Variants in GPHN observed in about 807,000 individuals in gnomAD.
GPHN encodes the protein gephyrin.
Under a neutral mutation model 95.5 loss-of-function variants are expected in GPHN, and 17 were observed. The observed-to-expected ratio is 0.18, with a 90% CI of 0.12 to 0.27. The LOEUF is 0.27. GPHN is among the 10% of genes least tolerant of loss of function. The pLI is 1.00. For synonymous variants in GPHN, 320 were observed against 322.5 expected (o/e 0.99, Z 0.08); for missense variants, 660 against 978.1 (o/e 0.67, Z 4.34).
At chr14:67,599,112 T>C in the GPHN span, among the ~76,000 whole-genome samples, 1 of 152,174 alleles carries the variant, frequency 6.6e-6, no homozygotes. Flanking sequence ...AAACACGCTT[T>C]GACAGCAAAA....
chr14:67,647,984 G>C, the GPHN span: 1 of 1,461,458 alleles, frequency 6.8e-7, no homozygotes, highest in Non-Finnish European at 9.3e-7. Flanking sequence ...TAAGAAGGAT[G>C]AGTGTCCAAG....
chr14:66,864,403 T>C (rs1055566279), intron 4 of GPHN, among the ~76,000 whole-genome samples: 1 of 152,156 alleles, frequency 6.6e-6, no homozygotes, highest in Non-Finnish European at 1.5e-5. Context: ...GAGAACAGTT[T>C]GGAGGTTTCT....
At chr14:67,414,261 C>G in the GPHN span, among the ~76,000 whole-genome samples, 1 of 152,200 alleles carries the variant, frequency 6.6e-6, no homozygotes, top group East Asian at 1.9e-4. Context: ...TTAAGGCACA[C>G]CTAGAACCTG....
the GPHN span, among the ~76,000 whole-genome samples, chr14:67,636,468 G>A: frequency 2.0e-5 from 3 of 152,230 alleles, no homozygotes; most frequent in Non-Finnish European, 4.4e-5. Context: ...GCACAGTGTG[G>A]TGTGTAGAGG....
chr14:66,906,164 G>A (rs1020472156), intron 5 of GPHN, among the ~76,000 whole-genome samples: 18 of 152,084 alleles, frequency 1.2e-4, no homozygotes, highest in African/African-American at 4.1e-4. Flanking sequence ...CGTGCCCAGG[G>A]AACCTGTGGG....
At chr14:66,660,951 T>G (rs7146264) in intron 1 of GPHN, among the ~76,000 whole-genome samples, 47,273 of 151,962 alleles carry the variant, frequency 0.31, 11,173 homozygotes, top group African/African-American at 0.64. Flanking sequence ...CCCTTGTGAA[T>G]CCATTCCACC....
chr14:66,780,968 T>G, intron 3 of GPHN, among the ~76,000 whole-genome samples: 1 of 152,210 alleles, frequency 6.6e-6, no homozygotes, highest in Non-Finnish European at 1.5e-5. Flanking sequence ...CATATGTATT[T>G]TTGTTATTAA....
the GPHN span, among the ~76,000 whole-genome samples, chr14:67,253,838 C>CAAAATAAA: frequency 7.5e-6 from 1 of 133,108 alleles, no homozygotes. Flanking sequence ...GACCCTGTCT[C>CAAAATAAA]AAAAAGAAAA....
intron 5 of GPHN, among the ~76,000 whole-genome samples, chr14:66,905,286 C>G (rs1020644145): frequency 2.0e-5 from 3 of 152,068 alleles, no homozygotes; most frequent in Admixed American, 2.0e-4. Flanking sequence ...TTAATTATTT[C>G]AATCTGTTCA....
intron 2 of GPHN, among the ~76,000 whole-genome samples, chr14:66,761,372 A>T (rs553085063): frequency 6.6e-6 from 1 of 152,364 alleles, no homozygotes; most frequent in South Asian, 2.1e-4. Context: ...TATTTACAGT[A>T]AAATATTCCC....
intron 10 of GPHN, among the ~76,000 whole-genome samples, chr14:67,042,632 C>G (rs2074769623): frequency 1.3e-5 from 2 of 152,118 alleles, no homozygotes; most frequent in Admixed American, 6.5e-5. Flanking sequence ...GTTACTCTAG[C>G]CTTGTAATAT....
intron 1 of GPHN, among the ~76,000 whole-genome samples, chr14:66,605,579 G>A: frequency 7.1e-6 from 1 of 141,784 alleles, no homozygotes; most frequent in Non-Finnish European, 1.5e-5. Context: ...GCCCAGACTG[G>A]AGTGCAGTGG....
At chr14:66,759,727 G>C (rs1294095465) in intron 2 of GPHN, among the ~76,000 whole-genome samples, 1 of 152,114 alleles carries the variant, frequency 6.6e-6, no homozygotes, top group Non-Finnish European at 1.5e-5. Flanking sequence ...TTACATTCAA[G>C]GTTAATATTG....
At chr14:67,608,026 C>T in the GPHN span, among the ~76,000 whole-genome samples, 1,454 of 151,810 alleles carry the variant, frequency 9.6e-3, 12 homozygotes, top group Middle Eastern at 0.027. Context: ...TCCTTGAGCC[C>T]GAGAGTTTGA....
At chr14:67,289,906 G>T in the GPHN span, among the ~76,000 whole-genome samples, 4 of 151,910 alleles carry the variant, frequency 2.6e-5, no homozygotes, top group African/African-American at 9.7e-5. Context: ...GAGTAGCTGG[G>T]ACTACAGGCA....
At chr14:67,162,375 G>C (rs902594571) in intron 19 of GPHN, among the ~76,000 whole-genome samples, 3 of 152,172 alleles carry the variant, frequency 2.0e-5, no homozygotes, top group Non-Finnish European at 4.4e-5. Context: ...TTTTATGCTT[G>C]TCTAAAGGTA....
At chr14:66,856,195 A>T (rs1273025431) in intron 4 of GPHN, among the ~76,000 whole-genome samples, 2 of 152,130 alleles carry the variant, frequency 1.3e-5, no homozygotes, top group Admixed American at 6.5e-5. Flanking sequence ...TTGGTTTAAA[A>T]AAATAACTTG....
At chr14:67,332,541 A>C in the GPHN span, among the ~76,000 whole-genome samples, 1 of 152,206 alleles carries the variant, frequency 6.6e-6, no homozygotes, top group Non-Finnish European at 1.5e-5. Flanking sequence ...GTGAAAACCT[A>C]AATAGTGGTA....
chr14:66,840,305 A>G lies in GPHN; in HGVS notation c.294+15739A>G, dbSNP rs372978744. On this transcript the variant is annotated intron_variant, in intron 4 of 22. Transcript: ENST00000478722. ...AAAATAAAAAATAAAACTAATAATAATATTGAAAGCAAATCCTAGTATAAG... is the reference window on the plus strand; with the variant it reads ...AAAATAAAAAATAAAACTAATAATAGTATTGAAAGCAAATCCTAGTATAAG... 2.4e-4 allele frequency among the ~76,000 whole-genome samples: 36 copies of G among 152,182 alleles called. No individual in the cohort carries two copies. The South Asian group carries it at 6.6e-3, about 28-fold the overall frequency.
Sources: gnomAD v4.1 joint callset for allele counts (sites outside exome capture counted in the v4.1 genomes callset) on GRCh38, gnomAD v4.1.1 for gene constraint, MANE v1.5 for transcripts, NCBI Gene and HGNC (gene_info 2026-07-23, HGNC 2026-07-21) for gene names.